LRRC4B: variants seen among roughly 807,000 people sequenced by gnomAD.
The protein encoded by LRRC4B is leucine rich repeat containing 4B, also known as leucine-rich repeat-containing protein 4B.
LRRC4B carries 1 observed loss-of-function variant against 7.3 expected under a neutral mutation model. The ratio of observed to expected loss-of-function variants is 0.14; its 90% CI spans 0.05 to 0.65. The LOEUF (loss-of-function observed/expected upper bound fraction) is 0.65. LRRC4B is among the 30% of genes least tolerant of loss of function. LRRC4B has a pLI of 0.84. For missense variants in LRRC4B, 730 were observed against 1,041.6 expected, an observed-to-expected ratio of 0.70 and a Z score of 4.12; for synonymous variants, 500 against 499.2, an observed-to-expected ratio of 1.00 and a Z score of -0.02.
rs1419176506 is a variant in LRRC4B at position 50,555,436 on chromosome 19, C to T, written c.-35-6563G>A. The T allele has an allele frequency of 4.6e-5, 7 of 153,134 alleles. No homozygotes were observed. Among genetic ancestry groups the T allele is most frequent in the Non-Finnish European group, 8.7e-5 (6 of 68,788 alleles). The allele number at this position is 153,134 out of a possible 1,614,324, so 9.5% of individuals were successfully genotyped here. A position where few individuals can be genotyped will look rare whatever the true frequency, so the allele number is the denominator to read the frequency against. On this transcript the variant is annotated intron_variant, in intron 1 of 2. Coordinates refer to ENST00000652263, the MANE Select transcript of LRRC4B (RefSeq NM_001080457.2). This position sits in a 1 kb window ranked among gnomAD's most constrained non-coding sequence, Gnocchi z 5.2. The stretch of plus-strand genomic sequence containing the variant: ...CCAGAGGTGCAGACACAGAAGGACC[C>T]CAAAGAGGAGAAGTACGAGGGGCAG...
At chr19:50,561,942 CAAATAAAT>C (rs139268581) in intron 1 of LRRC4B, among the ~76,000 whole-genome samples, 42 of 147,708 alleles carry the variant, frequency 2.8e-4, no homozygotes, top group African/African-American at 8.8e-4. Context: ...CCATAAAATA[CAAATAAAT>C]AAATAAATAA....
chr19:50,550,311 C>T (rs2122899530), intron 1 of LRRC4B, among the ~76,000 whole-genome samples: 1 of 152,108 alleles, frequency 6.6e-6, no homozygotes, highest in East Asian at 1.9e-4. Context: ...CACACAAATA[C>T]ACCCACACCA....
In LRRC4B at chr19:50,518,534, G is replaced by A. The variant is rs531396996; in HGVS notation, c.1179C>T (p.Ser393=). ...TGCCGTTGGGCGTCAGCCAGTTGAC[G>A]GAGGTCATGGAGGTGCCCGTGCGGC... The part of the protein sequence containing the change: ...LKCRTGTSMT[S]VNWLTPNGTL... The change falls in exon 3 of 3, where the codon TCC becomes TCT. Residue 393 remains serine, a synonymous_variant. Transcript: ENST00000652263. The A allele has an allele frequency of 1.2e-5, 19 of 1,577,188 alleles. No individual in the cohort carries two copies. In the East Asian group the frequency reaches 3.1e-4, roughly 26 times the overall value.
rs1981359691 is a variant in LRRC4B at position 50,537,919 on chromosome 19, G to A, written c.297+10623C>T. 6.6e-6 allele frequency among the ~76,000 whole-genome samples: 1 copy of A among 152,154 alleles called. No individual in the cohort carries two copies. The highest frequency in any genetic ancestry group is 6.5e-5 in the Admixed American group (1 of 15,274). On this transcript the variant is annotated intron_variant, in intron 2 of 2. Transcript: ENST00000652263. This position sits in a 1 kb window ranked among gnomAD's most constrained non-coding sequence, Gnocchi z 5.5. ...AGCCCGGGAACGGACGGCAGAGGGC[G>A]CACTGCTCCCTCCTATCCAGAGGAC... is the stretch of plus-strand genomic sequence containing the variant.
intron 1 of LRRC4B, among the ~76,000 whole-genome samples, chr19:50,554,827 C>A (rs1048079731): frequency 6.6e-6 from 1 of 152,172 alleles, no homozygotes; most frequent in Non-Finnish European, 1.5e-5. Flanking sequence ...TTGCCTAATG[C>A]GAAACACACG....
At position 50,519,849 on chromosome 19, in the gene LRRC4B, G is replaced by A. The variant is rs759001450; in HGVS notation, c.298-434C>T. Among the ~76,000 whole-genome samples, 34 of 151,878 alleles carry A rather than the reference G, an allele frequency of 2.2e-4. No homozygotes were observed. The highest frequency in any genetic ancestry group is 4.6e-4 in the Non-Finnish European group (31 of 68,002). ...GATAGTGCCACTGCACTCCTGCCTG[G>A]GCAACAGAGCAAGACTCCATGTAGA... On this transcript the variant is annotated intron_variant, in intron 2 of 2. Transcript: ENST00000652263. The surrounding 1 kb of genome is among the most constrained non-coding windows in gnomAD (Gnocchi z 8.1).
At chr19:50,544,143 G>A (rs1160072948) in intron 2 of LRRC4B, among the ~76,000 whole-genome samples, 3 of 151,518 alleles carry the variant, frequency 2.0e-5, no homozygotes, top group Admixed American at 1.3e-4. Context: ...GGAGGCAGAG[G>A]TTGCAGTGAG....
chr19:50,538,166 G>A (rs1981373714), intron 2 of LRRC4B, among the ~76,000 whole-genome samples: 1 of 152,036 alleles, frequency 6.6e-6, no homozygotes, highest in Non-Finnish European at 1.5e-5. Flanking sequence ...GGGTTCAAGT[G>A]ATTCTCCTGC....
intron 2 of LRRC4B, among the ~76,000 whole-genome samples, chr19:50,534,656 T>C (rs1386000544): frequency 6.6e-6 from 1 of 152,162 alleles, no homozygotes; most frequent in Non-Finnish European, 1.5e-5. Flanking sequence ...CTAACCCCGA[T>C]GGGGACTTTC....
rs1982169367 is a variant in LRRC4B at position 50,553,486 on chromosome 19, T to C, written c.-35-4613A>G. Among the ~76,000 whole-genome samples the C allele has an allele frequency of 6.6e-6, 1 of 152,180 alleles. No homozygotes were observed. Among genetic ancestry groups the C allele is most frequent in the Non-Finnish European group, 1.5e-5 (1 of 68,026 alleles). On this transcript the variant is annotated intron_variant, in intron 1 of 2. Transcript: ENST00000652263. The surrounding 1 kb of genome is among the most constrained non-coding windows in gnomAD (Gnocchi z 4.2). ...GGCCCCAGGGCCTTTGCACCTGCTC[T>C]TCCCTTTTCCTGGAATGCTCTTTGC...
At chr19:50,525,662 T>C (rs1980778561) in intron 2 of LRRC4B, among the ~76,000 whole-genome samples, 1 of 151,552 alleles carries the variant, frequency 6.6e-6, no homozygotes, top group Non-Finnish European at 1.5e-5. Context: ...TCAGGTGATC[T>C]GCCCAACTCG....
intron 2 of LRRC4B, among the ~76,000 whole-genome samples, chr19:50,525,149 G>A (rs1980750132): frequency 6.6e-6 from 1 of 152,108 alleles, no homozygotes; most frequent in Non-Finnish European, 1.5e-5. Context: ...TTCAAATCCC[G>A]CCTCCCCCGT....
At chr19:50,541,278 TCGCTTGAA>T (rs1981534627) in intron 2 of LRRC4B, among the ~76,000 whole-genome samples, 1 of 147,630 alleles carries the variant, frequency 6.8e-6, no homozygotes, top group African/African-American at 2.5e-5. Flanking sequence ...GGCAGGAGAA[TCGCTTGAA>T]CCTGGGAGGC....
chr19:50,544,229 G>A (rs567147115), intron 2 of LRRC4B, among the ~76,000 whole-genome samples: 5 of 151,828 alleles, frequency 3.3e-5, no homozygotes, highest in African/African-American at 4.8e-5. Context: ...AAAATAGGCC[G>A]GGCGCAGTGG....
chr19:50,548,619 G>A lies in LRRC4B; in HGVS notation c.220C>T (p.Arg74Trp), dbSNP rs749516889. 12 of 1,596,972 alleles carry A rather than the reference G, an allele frequency of 7.5e-6. No individual in the cohort carries two copies. The highest frequency in any genetic ancestry group is 4.0e-5 in the African/African-American group (3 of 74,740). ...SNQASRVICT[R>W]RDLAEVPASI... ...GCTGGGACCTCGGCCAGGTCTCTCC[G>A]TGTGCAGATCACCCGGCTGGCCTGG... Residue 74 changes from arginine (R) to tryptophan (W), a missense_variant, in exon 2 of 3, where the codon CGG becomes TGG. Arg to Trp is a moderately radical substitution (Grantham distance 101, BLOSUM62 -3). Around this residue, in one of 6 missense-constraint regions of LRRC4B, gnomAD observed 143 missense variants for 158.4 expected, o/e 0.90. Coordinates refer to ENST00000652263, the MANE Select transcript of LRRC4B (RefSeq NM_001080457.2). The surrounding 1 kb of genome is among the most constrained non-coding windows in gnomAD (Gnocchi z 6.8).
chr19:50,566,904 G>A (rs1171616690), intron 1 of LRRC4B, among the ~76,000 whole-genome samples: 1 of 149,334 alleles, frequency 6.7e-6, no homozygotes, highest in Non-Finnish European at 1.5e-5. Flanking sequence ...AGAAAGGGGA[G>A]AGGCTGGGGT....
rs1444204810 is a variant in LRRC4B, at chr19:50,516,964, C to G, written c.*607G>C. 1.3e-5 allele frequency: 2 copies of G among 150,420 alleles called. No individual in the cohort carries two copies. The highest frequency in any genetic ancestry group is 3.0e-5 in the Non-Finnish European group (2 of 67,606). The allele number at this position is 150,420 out of a possible 1,614,324, so 9.3% of individuals were successfully genotyped here. On this transcript the variant is annotated 3_prime_UTR_variant, in exon 3 of 3. Coordinates refer to ENST00000652263, the MANE Select transcript of LRRC4B (RefSeq NM_001080457.2). ...TTAAAGTAATTACAGAGCAGGTAGT[C>G]GTTGACGCAAACCTCCCTTCAGTAT...
chr19:50,567,140 G>T (rs1982654876), intron 1 of LRRC4B, among the ~76,000 whole-genome samples: 1 of 151,120 alleles, frequency 6.6e-6, no homozygotes, highest in African/African-American at 2.4e-5. Context: ...GGGGGGCGGG[G>T]GTCTCCAGGA....
At chr19:50,541,101 G>A (rs367780077) in intron 2 of LRRC4B, among the ~76,000 whole-genome samples, 4 of 149,926 alleles carry the variant, frequency 2.7e-5, no homozygotes, top group Non-Finnish European at 3.0e-5. Context: ...GGAGAATGGC[G>A]TGAACCCGGG....
Sources: gnomAD v4.1 joint callset for allele counts (sites outside exome capture counted in the v4.1 genomes callset) on GRCh38, gnomAD v4.1.1 for gene constraint, gnomAD v4.1.1 regional missense constraint, Gnocchi (gnomAD v3.1) non-coding constraint, MANE v1.5 for transcripts, NCBI Gene and HGNC (gene_info 2026-07-23, HGNC 2026-07-21) for gene names.